The following RIMS1 variants were observed in gnomAD, a reference collection of about 807,000 sequenced individuals.
The protein encoded by RIMS1 is regulating synaptic membrane exocytosis 1, also known as regulating synaptic membrane exocytosis protein 1.
RIMS1 carries 83 observed loss-of-function variants against 214.1 expected under a neutral mutation model. The ratio of observed to expected loss-of-function variants is 0.39; its 90% CI spans 0.32 to 0.47. The LOEUF (loss-of-function observed/expected upper bound fraction) is 0.47, where lower values mean the gene tolerates loss of function less well. Ranked by LOEUF, RIMS1 falls within the 20% of genes least tolerant of loss-of-function variation. The pLI is 0.99. For synonymous variants in RIMS1, 793 were observed against 786.8 expected, an observed-to-expected ratio of 1.01 and a Z score of -0.13; for missense variants, 2,050 against 2,161.8, an observed-to-expected ratio of 0.95 and a Z score of 1.03.
intron 31 of RIMS1, among the ~76,000 whole-genome samples, chr6:72,394,829 C>A (rs1314754114): frequency 1.3e-5 from 2 of 151,378 alleles, no homozygotes; most frequent in Non-Finnish European, 3.0e-5. Context: ...ATCAACTGAC[C>A]AGACAAATAA....
intron 23 of RIMS1, among the ~76,000 whole-genome samples, chr6:72,275,616 A>G (rs1163022396): frequency 1.3e-5 from 2 of 152,178 alleles, no homozygotes; most frequent in Admixed American, 1.3e-4. Flanking sequence ...TTACATTTAC[A>G]TATTTGGAAA....
chr6:72,284,764 A>G (rs1300598000), intron 24 of RIMS1, among the ~76,000 whole-genome samples: 1 of 152,122 alleles, frequency 6.6e-6, no homozygotes, highest in Non-Finnish European at 1.5e-5. Context: ...TTTATCCAAC[A>G]ATGACTGAGA....
intron 1 of RIMS1, among the ~76,000 whole-genome samples, chr6:71,893,066 T>G (rs949812799): frequency 1.3e-5 from 2 of 152,220 alleles, no homozygotes; most frequent in African/African-American, 4.8e-5. Flanking sequence ...AATTGCTGTT[T>G]CCAAGAAAGG....
At chr6:72,237,731 G>A (rs2154099149) in intron 8 of RIMS1, 92 bp from the exon 9 acceptor site, 1 of 898,076 alleles carries the variant, frequency 1.1e-6, no homozygotes, top group Non-Finnish European at 1.8e-6. Context: ...AATTTCAAGT[G>A]TATCATAAAA....
chr6:72,213,024 G>A (rs1043451020), intron 6 of RIMS1: 62 of 1,509,810 alleles, frequency 4.1e-5, no homozygotes, highest in South Asian at 2.3e-4. Flanking sequence ...TGAAGGAGGC[G>A]CTTCACACTC....
intron 31 of RIMS1, among the ~76,000 whole-genome samples, chr6:72,393,299 G>A (rs1354212650): frequency 6.6e-6 from 1 of 152,112 alleles, no homozygotes; most frequent in African/African-American, 2.4e-5. Flanking sequence ...CAGTGGGAAA[G>A]AACTTCAGCA....
chr6:72,061,971 T>C (rs1388263030), intron 2 of RIMS1, among the ~76,000 whole-genome samples: 1 of 152,222 alleles, frequency 6.6e-6, no homozygotes, highest in Non-Finnish European at 1.5e-5. Context: ...CGGGGATAAC[T>C]TGTGCTTGAC....
intron 24 of RIMS1, among the ~76,000 whole-genome samples, chr6:72,286,680 G>A (rs1023171114): frequency 6.6e-6 from 1 of 152,148 alleles, no homozygotes; most frequent in African/African-American, 2.4e-5. Context: ...CTGAATAAGA[G>A]CTGTTAAGAA....
intron 4 of RIMS1, among the ~76,000 whole-genome samples, chr6:72,131,985 C>T (rs537558792): frequency 9.2e-5 from 14 of 152,274 alleles, no homozygotes; most frequent in South Asian, 6.2e-4. Flanking sequence ...AGCTCACTGG[C>T]GGTCAGAGTT....
intron 13 of RIMS1, 145 bp downstream of exon 13, chr6:72,250,605 C>T: frequency 1.6e-6 from 1 of 617,226 alleles, no homozygotes; most frequent in Admixed American, 3.5e-5. Flanking sequence ...AGAAGTCCCT[C>T]AAGTGTTGGA....
intron 29 of RIMS1, among the ~76,000 whole-genome samples, chr6:72,340,785 T>A (rs1361646799): frequency 6.6e-6 from 1 of 152,096 alleles, no homozygotes; most frequent in East Asian, 1.9e-4. Context: ...TGGTTCCATA[T>A]GAACTTTAAA....
At chr6:71,938,579 G>A (rs1785149168) in intron 1 of RIMS1, among the ~76,000 whole-genome samples, 1 of 152,138 alleles carries the variant, frequency 6.6e-6, no homozygotes, top group Non-Finnish European at 1.5e-5. Context: ...ACCTGGACAT[G>A]CATGAGCTGT....
intron 29 of RIMS1, among the ~76,000 whole-genome samples, chr6:72,342,708 G>A (rs981947961): frequency 6.6e-6 from 1 of 151,582 alleles, no homozygotes; most frequent in Non-Finnish European, 1.5e-5. Context: ...CAGGTGAAGA[G>A]TGGATATAAC....
At chr6:72,353,910 G>A (rs942968778) in intron 29 of RIMS1, among the ~76,000 whole-genome samples, 5 of 152,090 alleles carry the variant, frequency 3.3e-5, no homozygotes, top group African/African-American at 1.2e-4. Flanking sequence ...CTGGGGGTTG[G>A]CAGAGCTAGT....
At chr6:72,105,691 T>C (rs1323346280) in intron 4 of RIMS1, among the ~76,000 whole-genome samples, 2 of 152,210 alleles carry the variant, frequency 1.3e-5, no homozygotes, top group East Asian at 1.9e-4. Context: ...TGTATACGTA[T>C]AGTATAACTA....
chr6:72,291,787 C>T (rs1436343564), intron 25 of RIMS1, 147 bp from the exon 26 acceptor site: 5 of 686,450 alleles, frequency 7.3e-6, no homozygotes, highest in African/African-American at 3.5e-5. Context: ...TCCATTTACA[C>T]ATATCATAAA....
intron 2 of RIMS1, among the ~76,000 whole-genome samples, chr6:72,092,732 G>T (rs898195189): frequency 1.3e-5 from 2 of 152,052 alleles, no homozygotes; most frequent in Non-Finnish European, 2.9e-5. Flanking sequence ...GTGAAAAGCT[G>T]CCCCAGGCCA....
At chr6:71,969,134 A>C in intron 2 of RIMS1, 71 bp downstream of exon 2, 1 of 1,430,330 alleles carries the variant, frequency 7.0e-7, no homozygotes, top group South Asian at 1.1e-5. Flanking sequence ...AGATTTATTC[A>C]CATTGCATGT....
chr6:72,401,620 G>C lies in RIMS1; in HGVS notation c.*906G>C, dbSNP rs754357657. 2.6e-5 allele frequency: 4 copies of C among 152,562 alleles called. No individual in the cohort carries two copies. Among genetic ancestry groups the C allele is most frequent in the Non-Finnish European group, 5.9e-5 (4 of 68,032 alleles). 9.5% of individuals were successfully genotyped at this position (152,562 alleles called of 1,614,324 possible). On this transcript the variant is annotated 3_prime_UTR_variant, in exon 34 of 34. Coordinates refer to ENST00000521978, the MANE Select transcript of RIMS1 (RefSeq NM_014989.7). ...TAATTGTACTTTGAAAACACTCCTT[G>C]TAATGCCTTTTTCTTCCTGATATTA...
Sources: allele counts gnomAD v4.1 joint callset (sites outside exome capture counted in the v4.1 genomes callset), GRCh38; gene constraint gnomAD v4.1.1; transcripts MANE v1.5; gene names NCBI Gene and HGNC (gene_info 2026-07-23, HGNC 2026-07-21).